TCF7L1: variants seen among roughly 807,000 people sequenced by gnomAD.
TCF7L1 encodes the protein transcription factor 7-like 1.
Under a neutral mutation model 63.7 loss-of-function variants are expected in TCF7L1, and 18 were observed. The ratio of observed to expected loss-of-function variants is 0.28; its 90% CI spans 0.20 to 0.42. The LOEUF is 0.42. Ranked by LOEUF, TCF7L1 falls within the 10% of genes least tolerant of loss-of-function variation. The probability of loss-of-function intolerance (pLI) is 1.00; values close to 1 mark genes in which losing one functional copy is unlikely to be tolerated. For missense variants in TCF7L1, 654 were observed against 779.3 expected, an observed-to-expected ratio of 0.84 and a Z score of 1.91; for synonymous variants, 355 against 340.9, an observed-to-expected ratio of 1.04 and a Z score of -0.46.
At position 85,308,686 on chromosome 2, in the gene TCF7L1, TCTGA is replaced by T. The variant is rs1232251592; in HGVS notation, c.1334-339_1334-336del. Among the ~76,000 whole-genome samples the T allele has an allele frequency of 1.7e-4, 26 of 152,050 alleles. 1 individual carries two copies. The highest frequency in any genetic ancestry group is 1.6e-3 in the Admixed American group (25 of 15,262). On this transcript the variant is annotated intron_variant, in intron 11 of 11. Coordinates refer to ENST00000282111, the MANE Select transcript of TCF7L1 (RefSeq NM_031283.3). The stretch of plus-strand genomic sequence containing the variant: ...CGCTGTTCAGCAGGCATGCACTCTC[TCTGA>T]CTGTATTAATACCATAAACCAAAGA...
intron 3 of TCF7L1, among the ~76,000 whole-genome samples, chr2:85,154,637 T>C (rs934728740): frequency 5.3e-5 from 8 of 152,212 alleles, no homozygotes; most frequent in African/African-American, 1.9e-4. Context: ...CTCTCTGTAC[T>C]TGAGCACATT....
At chr2:85,295,774 A>ATTT (rs1681827146) in intron 4 of TCF7L1, among the ~76,000 whole-genome samples, 2 of 78,726 alleles carry the variant, frequency 2.5e-5, no homozygotes, top group African/African-American at 5.7e-5. Flanking sequence ...AGTAACATTT[A>ATTT]CTTTTTTTTT....
intron 3 of TCF7L1, among the ~76,000 whole-genome samples, chr2:85,269,903 A>C (rs2104355130): frequency 6.6e-6 from 1 of 152,278 alleles, no homozygotes; most frequent in South Asian, 2.1e-4. Flanking sequence ...ATGGCCCTGT[A>C]TAGAGGTGGC....
At chr2:85,190,868 G>A (rs146864709) in intron 3 of TCF7L1, among the ~76,000 whole-genome samples, 75 of 152,220 alleles carry the variant, frequency 4.9e-4, no homozygotes, top group Admixed American at 1.3e-3. Flanking sequence ...ATTTATGGAC[G>A]CAATACCTGA....
intron 3 of TCF7L1, among the ~76,000 whole-genome samples, chr2:85,257,803 G>A (rs565051152): frequency 6.6e-6 from 1 of 152,278 alleles, no homozygotes; most frequent in South Asian, 2.1e-4. Context: ...CAGGACCCTG[G>A]ATTTCTCCTC....
intron 3 of TCF7L1, among the ~76,000 whole-genome samples, chr2:85,170,816 T>C (rs1241061715): frequency 6.6e-6 from 1 of 152,132 alleles, no homozygotes; most frequent in East Asian, 1.9e-4. Flanking sequence ...CTGCAGCCAT[T>C]CCCCGACTGG....
intron 8 of TCF7L1, among the ~76,000 whole-genome samples, chr2:85,305,735 T>C (rs1177652938): frequency 6.6e-6 from 1 of 152,200 alleles, no homozygotes; most frequent in African/African-American, 2.4e-5. Context: ...CAGTGTTTTC[T>C]TAAGGACTTG....
intron 3 of TCF7L1, among the ~76,000 whole-genome samples, chr2:85,137,682 C>G (rs111462901): frequency 6.6e-6 from 1 of 151,988 alleles, no homozygotes; most frequent in African/African-American, 2.4e-5. Context: ...CACCTGAGGT[C>G]GGGAGTTCGA....
At chr2:85,158,169 T>G (rs2104215456) in intron 3 of TCF7L1, among the ~76,000 whole-genome samples, 1 of 152,314 alleles carries the variant, frequency 6.6e-6, no homozygotes, top group East Asian at 1.9e-4. Context: ...ACAGCAAGTG[T>G]GGTGCATGGC....
At position 85,136,832 on chromosome 2, in the gene TCF7L1, T is replaced by C. The variant is rs186799379; in HGVS notation, c.441+2382T>C. 1.8e-3 allele frequency among the ~76,000 whole-genome samples: 268 copies of C among 152,292 alleles called. 2 individuals are homozygous for C. Among genetic ancestry groups the C allele is most frequent in the Admixed American group, 0.016 (242 of 15,302 alleles). ...CTTAAGCACTTGGTTGTCTGGACTA[T>C]AGGGTGGAGATGATGGTTTTCTGCT... On this transcript the variant is annotated intron_variant, in intron 3 of 11. Coordinates refer to ENST00000282111, the MANE Select transcript of TCF7L1 (RefSeq NM_031283.3).
rs545918086 is a variant in TCF7L1, at chr2:85,208,728, A to G, written c.441+74278A>G. Among the ~76,000 whole-genome samples, 24 of 152,304 alleles carry G rather than the reference A, an allele frequency of 1.6e-4. No individual in the cohort carries two copies. The East Asian group carries it at 4.2e-3, about 27-fold the overall frequency. On this transcript the variant is annotated intron_variant, in intron 3 of 11. Transcript: ENST00000282111. Reference sequence around the variant, plus strand: ...AAATGGGAGCTGCCTCTTTTTGTGGAAGGGACAATTCCAGGGTGGGAAAAA... The same window carrying G: ...AAATGGGAGCTGCCTCTTTTTGTGGGAGGGACAATTCCAGGGTGGGAAAAA...
intron 3 of TCF7L1, among the ~76,000 whole-genome samples, chr2:85,195,730 A>G (rs1679139948): frequency 6.6e-6 from 1 of 151,986 alleles, no homozygotes; most frequent in African/African-American, 2.4e-5. Flanking sequence ...TATTTTTTGT[A>G]GAGATGGGGT....
At position 85,305,303 on chromosome 2, in the gene TCF7L1, C is replaced by T. The variant is rs569175195; in HGVS notation, c.889C>T (p.His297Tyr). 3 of 1,614,012 alleles carry T rather than the reference C, an allele frequency of 1.9e-6. No homozygotes were observed. Among genetic ancestry groups the T allele is most frequent in the South Asian group, 2.2e-5 (2 of 91,080 alleles). Residue 297 changes from histidine to tyrosine, a missense_variant, in exon 8 of 12, where the codon CAC (histidine) becomes TAC (tyrosine). His to Tyr is a moderately conservative substitution (Grantham distance 83, BLOSUM62 2). Around this residue, in one of 3 missense-constraint regions of TCF7L1, gnomAD observed 404 missense variants for 454.8 expected, o/e 0.89. Coordinates refer to ENST00000282111, the MANE Select transcript of TCF7L1 (RefSeq NM_031283.3). ...CTCTCCTCACATGGTGGCTCCTGCC[C>T]ACCCTGGCCTGCCCACCTCAGGGAT... The part of the protein sequence containing the change: ...RFSPHMVAPA[H>Y]PGLPTSGIPH...
rs568604516 is a variant in TCF7L1, at chr2:85,265,791, A to G, written c.442-17704A>G. Among the ~76,000 whole-genome samples, 446 of 151,360 alleles carry G rather than the reference A, an allele frequency of 2.9e-3. 2 individuals carry two copies. The highest frequency in any genetic ancestry group is 9.3e-3 in the African/African-American group (384 of 41,164). On this transcript the variant is annotated intron_variant, in intron 3 of 11. Transcript: ENST00000282111. ...GTTTTTTTTTTTTGAGTGTTTTTAT[A>G]TATTTAATTTTTTTAATTAAAAAGT...
At chr2:85,281,951 A>C (rs565485354) in intron 3 of TCF7L1, among the ~76,000 whole-genome samples, 198 of 151,986 alleles carry the variant, frequency 1.3e-3, no homozygotes, top group South Asian at 2.9e-3. Context: ...ATTTTTCCTG[A>C]TATTACATGA....
intron 3 of TCF7L1, among the ~76,000 whole-genome samples, chr2:85,197,405 A>AT (rs1553398348): frequency 6.6e-6 from 1 of 152,106 alleles, no homozygotes. Flanking sequence ...TGTCTCAAAA[A>AT]ATATATATAT....
At chr2:85,235,789 A>G (rs898401668) in intron 3 of TCF7L1, among the ~76,000 whole-genome samples, 1 of 152,154 alleles carries the variant, frequency 6.6e-6, no homozygotes, top group Non-Finnish European at 1.5e-5. Flanking sequence ...TGGGAGGCCA[A>G]GGTGGGAGCA....
chr2:85,184,295 G>T (rs1416056447), intron 3 of TCF7L1, among the ~76,000 whole-genome samples: 2 of 152,166 alleles, frequency 1.3e-5, no homozygotes, highest in Admixed American at 6.5e-5. Context: ...CAGCAGATGG[G>T]CAGTGAGGCG....
intron 3 of TCF7L1, among the ~76,000 whole-genome samples, chr2:85,201,103 G>A (rs568934031): frequency 3.3e-5 from 5 of 152,130 alleles, no homozygotes; most frequent in Admixed American, 1.3e-4. Context: ...TCAGGAGGCC[G>A]AGGCACAAGA....
Sources: gnomAD v4.1 joint callset for allele counts (sites outside exome capture counted in the v4.1 genomes callset) on GRCh38, gnomAD v4.1.1 for gene constraint, gnomAD v4.1.1 regional missense constraint, MANE v1.5 for transcripts, NCBI Gene and HGNC (gene_info 2026-07-23, HGNC 2026-07-21) for gene names.